COMMD1: variants seen among roughly 807,000 people sequenced by gnomAD.
COMMD1 encodes the protein copper metabolism domain containing 1, also known as COMM domain-containing protein 1.
A neutral mutation model predicts 17.2 loss-of-function variants in COMMD1; 10 were observed. The observed-to-expected ratio is 0.58, with a 90% CI of 0.36 to 0.99. The LOEUF (loss-of-function observed/expected upper bound fraction) is 0.99, where lower values mean the gene tolerates loss of function less well. Among genes scored for constraint, COMMD1 ranks in the 50% least tolerant of loss-of-function variants. COMMD1 has a pLI of 0.01. For synonymous variants in COMMD1, 97 were observed against 91.6 expected (o/e 1.06, Z -0.34); for missense variants, 270 against 231.8 (o/e 1.17, Z -1.07).
At chr2:62,091,849 A>AC (rs1024336365) in intron 2 of COMMD1, among the ~76,000 whole-genome samples, 7 of 152,104 alleles carry the variant, frequency 4.6e-5, no homozygotes, top group South Asian at 2.1e-4. Flanking sequence ...ACCTGGTTAG[A>AC]CCCCCTCAGT....
At chr2:62,022,837 C>CCAATGTAA (rs1669646903) in intron 2 of COMMD1, among the ~76,000 whole-genome samples, 1 of 152,054 alleles carries the variant, frequency 6.6e-6, no homozygotes, top group Non-Finnish European at 1.5e-5. Flanking sequence ...AGCCAGGGAT[C>CCAATGTAA]GTTTAGAGTC....
At chr2:61,995,018 C>T (rs1668716454) in intron 1 of COMMD1, among the ~76,000 whole-genome samples, 1 of 152,198 alleles carries the variant, frequency 6.6e-6, no homozygotes, top group African/African-American at 2.4e-5. Flanking sequence ...CTGCTGTCCT[C>T]TCCTAGGCTC....
intron 1 of COMMD1, among the ~76,000 whole-genome samples, chr2:61,935,098 T>A (rs1370870309): frequency 6.6e-6 from 1 of 152,198 alleles, no homozygotes; most frequent in Non-Finnish European, 1.5e-5. Flanking sequence ...CAGCTTCAGC[T>A]TGTAGGGCTT....
At chr2:61,894,725 A>C (rs1669517450) in intron 1 of COMMD1, among the ~76,000 whole-genome samples, 1 of 150,568 alleles carries the variant, frequency 6.6e-6, no homozygotes, top group Non-Finnish European at 1.5e-5. Context: ...TTTGAGATGG[A>C]GTCTCACTCT....
intron 2 of COMMD1, among the ~76,000 whole-genome samples, chr2:62,131,891 C>G (rs1277447622): frequency 6.7e-6 from 1 of 149,538 alleles, no homozygotes; most frequent in African/African-American, 2.5e-5. Context: ...CACACACACA[C>G]ACACATTTTT....
At chr2:62,085,933 G>C (rs1671655945) in intron 2 of COMMD1, among the ~76,000 whole-genome samples, 1 of 151,894 alleles carries the variant, frequency 6.6e-6, no homozygotes. Flanking sequence ...AGCCCAGATC[G>C]TGCCACTGCA....
intron 2 of COMMD1, among the ~76,000 whole-genome samples, chr2:62,131,825 G>C (rs1213868166): frequency 1.3e-5 from 2 of 150,774 alleles, no homozygotes; most frequent in African/African-American, 2.4e-5. Context: ...TTACAGGCAT[G>C]AGCCACCACC....
chr2:61,980,732 G>T (rs1046218019), intron 1 of COMMD1, among the ~76,000 whole-genome samples: 1 of 150,702 alleles, frequency 6.6e-6, no homozygotes, highest in African/African-American at 2.4e-5. Context: ...TTCTTTTGCT[G>T]TGCAGAAGCT....
chr2:62,044,086 T>C lies in COMMD1; in HGVS notation c.462+43104T>C, dbSNP rs74857402. The stretch of plus-strand genomic sequence containing the variant: ...TTTGCTGTTTTCATGGCCTTCTTGC[T>C]GCTAATCTCCAGGTGGTGTTTTTGC... On this transcript the variant is annotated intron_variant, in intron 2 of 2. Coordinates refer to ENST00000311832, the MANE Select transcript of COMMD1 (RefSeq NM_152516.4). Among the ~76,000 whole-genome samples the C allele has an allele frequency of 2.8e-4, 42 of 152,340 alleles. No individual in the cohort carries two copies. The East Asian group carries it at 7.9e-3, about 29-fold the overall frequency.
chr2:61,903,915 A>C (rs1035468191), upstream of COMMD1, among the ~76,000 whole-genome samples: 6 of 152,206 alleles, frequency 3.9e-5, no homozygotes, highest in Non-Finnish European at 7.3e-5. Flanking sequence ...ACATCTTCCC[A>C]TGCAGGGTAC....
intron 2 of COMMD1, among the ~76,000 whole-genome samples, chr2:62,055,857 A>C (rs1426302588): frequency 6.6e-6 from 1 of 152,180 alleles, no homozygotes; most frequent in South Asian, 2.1e-4. Context: ...ATTGATAGAG[A>C]GCATTAATGA....
rs545509205 is a variant in COMMD1 at position 61,986,622 on chromosome 2, G to C, written c.181-14079G>C. Among the ~76,000 whole-genome samples the C allele has an allele frequency of 3.5e-5, 5 of 144,582 alleles. No individual in the cohort carries two copies. In the South Asian group the frequency reaches 1.1e-3, roughly 32 times the overall value. 94.9% of individuals were successfully genotyped at this position (144,582 alleles called of 152,430 possible). On this transcript the variant is annotated intron_variant, in intron 1 of 2. Transcript: ENST00000311832. ...CTTGCTCTGCTGCCCAGGCTGGAGT[G>C]CAGTGGCATGATCTCAGCTTGCTGC...
chr2:62,060,241 G>A (rs1028725962), intron 2 of COMMD1, among the ~76,000 whole-genome samples: 1 of 152,186 alleles, frequency 6.6e-6, no homozygotes, highest in Non-Finnish European at 1.5e-5. Context: ...TGAGGTGGGA[G>A]GATCCCTTGA....
At chr2:62,016,112 C>T (rs1669437802) in intron 2 of COMMD1, among the ~76,000 whole-genome samples, 1 of 151,908 alleles carries the variant, frequency 6.6e-6, no homozygotes, top group Non-Finnish European at 1.5e-5. Flanking sequence ...GGATTACATG[C>T]GTGAGCCACG....
At chr2:62,039,644 G>A (rs1670131952) in intron 2 of COMMD1, among the ~76,000 whole-genome samples, 1 of 152,218 alleles carries the variant, frequency 6.6e-6, no homozygotes, top group Non-Finnish European at 1.5e-5. Context: ...ATATAGGAAA[G>A]CACAATTCTG....
chr2:61,970,107 A>C (rs551053176), intron 1 of COMMD1, among the ~76,000 whole-genome samples: 23 of 151,994 alleles, frequency 1.5e-4, no homozygotes, highest in Middle Eastern at 3.4e-3. Context: ...AAATACAAAA[A>C]ATTAGCTGGG....
intron 2 of COMMD1, among the ~76,000 whole-genome samples, chr2:62,083,563 C>T (rs1173488200): frequency 6.6e-6 from 1 of 152,216 alleles, no homozygotes; most frequent in Non-Finnish European, 1.5e-5. Context: ...CTCGAAGTGT[C>T]TAAGTCAGTG....
intron 1 of COMMD1, among the ~76,000 whole-genome samples, chr2:61,945,984 G>T (rs1670895069): frequency 6.6e-6 from 1 of 152,184 alleles, no homozygotes; most frequent in African/African-American, 2.4e-5. Context: ...TGCTAGAGGG[G>T]TGTGATGAGG....
upstream of COMMD1, among the ~76,000 whole-genome samples, chr2:61,902,236 G>A (rs777117096): frequency 3.0e-4 from 45 of 151,768 alleles, no homozygotes; most frequent in Non-Finnish European, 8.8e-5. Flanking sequence ...GTCCGGGCAC[G>A]GTGGCTCACG....
Sources: gnomAD v4.1 joint callset for allele counts (sites outside exome capture counted in the v4.1 genomes callset) on GRCh38, gnomAD v4.1.1 for gene constraint, MANE v1.5 for transcripts, NCBI Gene and HGNC (gene_info 2026-07-23, HGNC 2026-07-21) for gene names.